The following PRIM2 variants were observed in gnomAD, a reference collection of about 807,000 sequenced individuals.
PRIM2 encodes DNA primase subunit 2, also known as DNA primase large subunit.
A neutral mutation model predicts 67.3 loss-of-function variants in PRIM2; 39 were observed. The observed-to-expected ratio is 0.58, with a 90% CI of 0.45 to 0.76. PRIM2 has a LOEUF of 0.76. Ranked by LOEUF, PRIM2 falls within the 30% of genes least tolerant of loss-of-function variation. PRIM2 has a pLI of 0.00. For missense variants in PRIM2, 398 were observed against 598.7 expected (o/e 0.66, Z 3.50); for synonymous variants, 143 against 198.7 (o/e 0.72, Z 2.36).
intron 12 of PRIM2, among the ~76,000 whole-genome samples, chr6:57,625,810 A>G (rs1776941165): frequency 1.3e-5 from 2 of 152,370 alleles, no homozygotes; most frequent in African/African-American, 2.4e-5. Context: ...TACATCTTCA[A>G]TAGAGGGAAA....
chr6:57,307,545 G>GT, the PRIM2 span, among the ~76,000 whole-genome samples: 11 of 151,950 alleles, frequency 7.2e-5, no homozygotes, highest in East Asian at 1.9e-4. Context: ...GCCAAGGATG[G>GT]TTTTTTTTGC....
the PRIM2 span, among the ~76,000 whole-genome samples, chr6:57,229,332 A>G: frequency 6.6e-6 from 1 of 152,082 alleles, no homozygotes; most frequent in Non-Finnish European, 1.5e-5. Context: ...TTTCTATTCT[A>G]CAGTTTAAAT....
chr6:57,600,966 T>C, intron 10 of PRIM2, 127 bp from the exon 11 acceptor site: 1 of 778,628 alleles, frequency 1.3e-6, no homozygotes, highest in Non-Finnish European at 1.9e-6. Context: ...AATGTACATC[T>C]GCCCGTGAAT....
At chr6:57,388,020 T>C (rs1770206342) in intron 7 of PRIM2, among the ~76,000 whole-genome samples, 2 of 152,146 alleles carry the variant, frequency 1.3e-5, no homozygotes, top group African/African-American at 4.8e-5. Context: ...GGAGGAATCT[T>C]GGCCTTTTTT....
intron 8 of PRIM2, among the ~76,000 whole-genome samples, chr6:57,524,047 CTAGTT>C (rs1473994868): frequency 6.6e-6 from 1 of 151,908 alleles, no homozygotes; most frequent in Non-Finnish European, 1.5e-5. Flanking sequence ...GGGGGAAACT[CTAGTT>C]TAGTGTGGAT....
the PRIM2 span, among the ~76,000 whole-genome samples, chr6:57,277,987 A>AAAAC: frequency 1.3e-5 from 2 of 151,394 alleles, no homozygotes; most frequent in East Asian, 1.9e-4. Flanking sequence ...CTATCTCAGA[A>AAAAC]AAACAAACAA....
At chr6:57,304,001 T>A in the PRIM2 span, among the ~76,000 whole-genome samples, 1 of 152,172 alleles carries the variant, frequency 6.6e-6, no homozygotes, top group African/African-American at 2.4e-5. Context: ...TGCAGGATGA[T>A]GGTTGATATT....
intron 13 of PRIM2, among the ~76,000 whole-genome samples, chr6:57,633,868 C>T (rs1180897537): frequency 6.6e-6 from 1 of 152,130 alleles, no homozygotes; most frequent in Non-Finnish European, 1.5e-5. Flanking sequence ...ACTCACTCAC[C>T]CACTGCTCAC....
At chr6:57,414,512 G>C (rs1390202170) in intron 7 of PRIM2, among the ~76,000 whole-genome samples, 1 of 152,116 alleles carries the variant, frequency 6.6e-6, no homozygotes, top group Non-Finnish European at 1.5e-5. Flanking sequence ...TAATTATGGT[G>C]ACAACTTGTT....
chr6:57,303,262 G>C, the PRIM2 span, among the ~76,000 whole-genome samples: 1 of 152,010 alleles, frequency 6.6e-6, no homozygotes, highest in East Asian at 1.9e-4. Context: ...ATATGTTGAG[G>C]TTAATGATAG....
At chr6:57,433,955 G>T (rs1294662297) in intron 7 of PRIM2, among the ~76,000 whole-genome samples, 1 of 135,688 alleles carries the variant, frequency 7.4e-6, no homozygotes, top group Admixed American at 8.1e-5. Context: ...ACAGAGTTTC[G>T]CTCTTGTTGC....
intron 10 of PRIM2, among the ~76,000 whole-genome samples, chr6:57,549,851 C>T (rs1289431807): frequency 3.9e-5 from 6 of 152,008 alleles, no homozygotes; most frequent in African/African-American, 1.2e-4. Flanking sequence ...TTTGGGAGGC[C>T]GAGGCGGGCA....
At chr6:57,410,647 G>C (rs6907136) in intron 7 of PRIM2, among the ~76,000 whole-genome samples, 1 of 151,484 alleles carries the variant, frequency 6.6e-6, no homozygotes, top group Non-Finnish European at 1.5e-5. Context: ...TAGATTATTT[G>C]GTATATTCTA....
upstream of PRIM2, among the ~76,000 whole-genome samples, chr6:57,312,602 T>TA (rs1341240563): frequency 1.3e-5 from 2 of 152,196 alleles, no homozygotes; most frequent in Non-Finnish European, 2.9e-5. Flanking sequence ...CTTGTTTTTT[T>TA]AAAAAAAGTT....
the PRIM2 span, among the ~76,000 whole-genome samples, chr6:57,287,705 C>T: frequency 6.6e-6 from 1 of 151,932 alleles, no homozygotes; most frequent in East Asian, 1.9e-4. Flanking sequence ...CAGGAAAACA[C>T]CATGGCACCT....
chr6:57,297,635 G>C, the PRIM2 span, among the ~76,000 whole-genome samples: 1 of 152,162 alleles, frequency 6.6e-6, no homozygotes, highest in African/African-American at 2.4e-5. Flanking sequence ...TTTCAGTGGA[G>C]AAACCTAGCA....
At chr6:57,268,748 G>A in the PRIM2 span, among the ~76,000 whole-genome samples, 1 of 149,068 alleles carries the variant, frequency 6.7e-6, no homozygotes, top group South Asian at 2.2e-4. Context: ...TCGTCATTTA[G>A]CATTAGGTAT....
intron 8 of PRIM2, among the ~76,000 whole-genome samples, chr6:57,511,953 C>T (rs1554347741): frequency 1.4e-4 from 22 of 152,050 alleles, no homozygotes; most frequent in Admixed American, 2.6e-4. Context: ...ATAAAGGGAA[C>T]GGTTGAGATC....
intron 7 of PRIM2, among the ~76,000 whole-genome samples, chr6:57,449,381 A>T (rs1346162901): frequency 5.3e-5 from 8 of 152,272 alleles, no homozygotes; most frequent in African/African-American, 1.9e-4. Flanking sequence ...CTGACTCTAA[A>T]CTTGAGAAAC....
Sources: allele counts gnomAD v4.1 joint callset (sites outside exome capture counted in the v4.1 genomes callset), GRCh38; gene constraint gnomAD v4.1.1; transcripts MANE v1.5; gene names NCBI Gene and HGNC (gene_info 2026-07-23, HGNC 2026-07-21).